Variants in ICE1 observed in about 807,000 individuals in gnomAD.
The protein encoded by ICE1 is little elongation complex subunit 1.
A neutral mutation model predicts 192.7 loss-of-function variants in ICE1; 64 were observed. The ratio of observed to expected loss-of-function variants is 0.33; its 90% CI spans 0.27 to 0.41. The LOEUF is 0.41. Ranked by LOEUF, ICE1 falls within the 10% of genes least tolerant of loss-of-function variation. The pLI is 1.00. For synonymous variants in ICE1, 1,010 were observed against 984.5 expected, an observed-to-expected ratio of 1.03 and a Z score of -0.49; for missense variants, 2,708 against 2,696.0, an observed-to-expected ratio of 1.00 and a Z score of -0.10.
chr5:5,485,741 A>G (rs918521675), intron 17 of ICE1, among the ~76,000 whole-genome samples: 5 of 152,228 alleles, frequency 3.3e-5, no homozygotes, highest in African/African-American at 1.2e-4. Flanking sequence ...AAATGCCAAC[A>G]ATACCCAAAA....
At chr5:5,466,143 A>T (rs1738977117) in intron 13 of ICE1, among the ~76,000 whole-genome samples, 191 bp from the exon 14 acceptor site, 1 of 152,034 alleles carries the variant, frequency 6.6e-6, no homozygotes, top group Non-Finnish European at 1.5e-5. Context: ...TTTCTTCAGT[A>T]CCCCCGACCT....
chr5:5,464,014 C>G lies in ICE1; in HGVS notation c.4680C>G (p.Asn1560Lys). ...GKNKNRSKIS[N>K]KDQSNKPVKT... ...ATAAGAATCGATCAAAGATTTCAAA[C>G]AAAGATCAGTCAAACAAACCAGTAA... Residue 1560 changes from asparagine to lysine, a missense_variant, in exon 13 of 19, where the codon AAC becomes AAG. Physicochemically the swap from Asn to Lys is moderately conservative, Grantham distance 94. Transcript: ENST00000296564. The surrounding 1 kb of genome is among the most constrained non-coding windows in gnomAD (Gnocchi z 4.0). The G allele has an allele frequency of 6.2e-7, 1 of 1,613,584 alleles. No homozygotes were observed. Among genetic ancestry groups the G allele is most frequent in the East Asian group, 2.2e-5 (1 of 44,878 alleles).
At chr5:5,482,458 C>G (rs1353434938) in intron 17 of ICE1, among the ~76,000 whole-genome samples, 1 of 152,128 alleles carries the variant, frequency 6.6e-6, no homozygotes, top group African/African-American at 2.4e-5. Context: ...GGAGCAAAGT[C>G]AGGAAGAATA....
At chr5:5,478,700 A>G (rs1176884027) in intron 17 of ICE1, among the ~76,000 whole-genome samples, 2 of 152,230 alleles carry the variant, frequency 1.3e-5, no homozygotes, top group Non-Finnish European at 2.9e-5. Context: ...AAACTATACT[A>G]AAAGGCTATA....
At chr5:5,477,622 C>T (rs942283040) in intron 17 of ICE1, among the ~76,000 whole-genome samples, 1 of 152,200 alleles carries the variant, frequency 6.6e-6, no homozygotes, top group African/African-American at 2.4e-5. Flanking sequence ...AAGGAATCCT[C>T]CCTAACTCAT....
In ICE1 at chr5:5,461,697, G is replaced by A. The variant is rs1477216971; in HGVS notation, c.2363G>A (p.Ser788Asn). The A allele has an allele frequency of 5.6e-6, 9 of 1,613,696 alleles. No individual in the cohort carries two copies. The highest frequency in any genetic ancestry group is 7.6e-6 in the Non-Finnish European group (9 of 1,179,838). Residue 788 changes from serine to asparagine, a missense_variant, in exon 13 of 19, where the codon AGT becomes AAT. This residue lies in a region of ICE1 where 2,366 missense variants were observed against 2,276.6 expected (regional missense o/e 1.04). Transcript: ENST00000296564. ...AAGAGTGGTTTGGGTTTTGTTAAAA[G>A]TACTTCATGGCACCATAGTGATTTA... ...LIKSGLGFVKSTSWHHSDLLR... is the reference protein window; with the variant it reads ...LIKSGLGFVKNTSWHHSDLLR...
At chr5:5,468,611 C>T (rs1436136024) in intron 14 of ICE1, among the ~76,000 whole-genome samples, 2 of 152,166 alleles carry the variant, frequency 1.3e-5, no homozygotes, top group Non-Finnish European at 2.9e-5. Flanking sequence ...CCTGTAATGA[C>T]ACATACCAAA....
intron 11 of ICE1, 57 bp downstream of exon 11, chr5:5,454,695 T>C (rs1030490110): frequency 3.8e-6 from 5 of 1,308,686 alleles, no homozygotes; most frequent in Non-Finnish European, 5.5e-6. Context: ...AGCTTAACCA[T>C]AGGCATAGCA....
At chr5:5,478,186 G>A (rs779466846) in intron 17 of ICE1, among the ~76,000 whole-genome samples, 5 of 152,226 alleles carry the variant, frequency 3.3e-5, no homozygotes, top group Admixed American at 3.3e-4. Flanking sequence ...CTTTGCAGAT[G>A]ACATGATTGT....
intron 11 of ICE1, among the ~76,000 whole-genome samples, chr5:5,455,575 T>C (rs1434898690): frequency 1.3e-5 from 2 of 152,234 alleles, no homozygotes; most frequent in Admixed American, 1.3e-4. Flanking sequence ...CATTTCATAA[T>C]CTAATGTTTG....
At chr5:5,435,684 GT>G (rs907007879) in intron 1 of ICE1, among the ~76,000 whole-genome samples, 2 of 116,648 alleles carry the variant, frequency 1.7e-5, no homozygotes, top group East Asian at 3.6e-4. Context: ...TTTTGTTTTT[GT>G]TTTTTTTTTC....
Position 5,457,628 on chromosome 5 carries a change from C to A in ICE1, c.988C>A (p.Leu330Ile), listed in dbSNP as rs759411958. 3 of 1,613,784 alleles carry A rather than the reference C, an allele frequency of 1.9e-6. No individual in the cohort carries two copies. The highest frequency in any genetic ancestry group is 2.7e-5 in the African/African-American group (2 of 74,886). The change falls in exon 12 of 19, where the codon CTT becomes ATT. Residue 330 changes from leucine to isoleucine, a missense_variant. This residue lies in a region of ICE1 where 2,366 missense variants were observed against 2,276.6 expected (regional missense o/e 1.04). Coordinates refer to ENST00000296564, the MANE Select transcript of ICE1 (RefSeq NM_015325.3). Reference sequence around the variant, plus strand: ...TCATGATCATTTTTTTGATGAAGATCTTCAAGCTGCAATTGACTTCTTCAA... The same window carrying A: ...TCATGATCATTTTTTTGATGAAGATATTCAAGCTGCAATTGACTTCTTCAA... ...VDHDHFFDED[L>I]QAAIDFFKLP... is the part of the protein sequence containing the mutation.
intron 17 of ICE1, among the ~76,000 whole-genome samples, chr5:5,476,860 T>G (rs1040369023): frequency 1.3e-5 from 2 of 152,174 alleles, no homozygotes; most frequent in Admixed American, 6.5e-5. Context: ...TGCCCAATTT[T>G]TTCATACTTG....
intron 11 of ICE1, among the ~76,000 whole-genome samples, chr5:5,455,929 C>T (rs532641458): frequency 1.3e-5 from 2 of 152,136 alleles, no homozygotes; most frequent in Non-Finnish European, 2.9e-5. Flanking sequence ...AGTCATCTTG[C>T]TTTCACCTCC....
chr5:5,482,912 C>A (rs958619098), intron 17 of ICE1, among the ~76,000 whole-genome samples: 2 of 152,026 alleles, frequency 1.3e-5, no homozygotes, highest in African/African-American at 4.8e-5. Flanking sequence ...AGTAAAAAAT[C>A]AAGTTGGTAG....
chr5:5,448,721 CTT>C (rs1194316513), intron 10 of ICE1, among the ~76,000 whole-genome samples: 1 of 152,070 alleles, frequency 6.6e-6, no homozygotes, highest in Admixed American at 6.6e-5. Flanking sequence ...TATGGTGTCT[CTT>C]TTAGAAGTCA....
chr5:5,443,069 T>A (rs1164099069), intron 5 of ICE1, 99 bp from the exon 6 acceptor site: 2 of 642,272 alleles, frequency 3.1e-6, no homozygotes, highest in African/African-American at 3.9e-5. Context: ...GCCTAATGTC[T>A]GTTTATTTGG....
intron 1 of ICE1, 110 bp downstream of exon 1, chr5:5,423,109 CCCTT>C: frequency 1.9e-6 from 1 of 537,662 alleles, no homozygotes; most frequent in South Asian, 6.5e-5. Flanking sequence ...GCGCTGCTCT[CCCTT>C]CCCAACCGTA....
chr5:5,463,296 AAGC>A lies in ICE1; in HGVS notation c.3966_3968del (p.Ala1324del). ...TCACATGCTTCAGAACCAACCCCAC[AAGC>A]AGCTGCCTTGGACACTGAGGGCAGC... On this transcript the variant is annotated inframe_deletion, in exon 13 of 19. Coordinates refer to ENST00000296564, the MANE Select transcript of ICE1 (RefSeq NM_015325.3). 1 of 1,613,642 alleles carries A rather than the reference AAGC, an allele frequency of 6.2e-7. No homozygotes were observed. Among genetic ancestry groups the A allele is most frequent in the South Asian group, 1.1e-5 (1 of 90,948 alleles).
Sources: gnomAD v4.1 joint callset for allele counts (sites outside exome capture counted in the v4.1 genomes callset) on GRCh38, gnomAD v4.1.1 for gene constraint, gnomAD v4.1.1 regional missense constraint, Gnocchi (gnomAD v3.1) non-coding constraint, MANE v1.5 for transcripts, NCBI Gene and HGNC (gene_info 2026-07-23, HGNC 2026-07-21) for gene names.